The following IGSF21 variants were observed in gnomAD, a reference collection of about 807,000 sequenced individuals.
IGSF21 encodes the protein immunoglobulin superfamily member 21.
In IGSF21, 28 loss-of-function variants were observed where a neutral mutation model predicts 46.8. That is an observed-to-expected ratio of 0.60 (90% confidence interval 0.44 to 0.82). The LOEUF is 0.82. IGSF21 is among the 40% of genes least tolerant of loss of function. IGSF21 has a pLI of 0.00. For missense variants in IGSF21, 624 were observed against 665.5 expected (o/e 0.94, Z 0.69); for synonymous variants, 284 against 273.6 (o/e 1.04, Z -0.38).
In IGSF21 at chr1:18,144,747, C is replaced by T. The variant is rs183175910; in HGVS notation, c.70+36549C>T. Among the ~76,000 whole-genome samples, 351 of 152,132 alleles carry T rather than the reference C, an allele frequency of 2.3e-3. 1 individual carries two copies. Among genetic ancestry groups the T allele is most frequent in the Non-Finnish European group, 3.7e-3 (249 of 67,996 alleles). ...AACCTCCCCCTTGTGTCAGCAGGGC[C>T]ACTCGGACAGAGAGGGTTGAGAGCC... is the stretch of plus-strand genomic sequence containing the variant. On this transcript the variant is annotated intron_variant, in intron 1 of 9. Coordinates refer to ENST00000251296, the MANE Select transcript of IGSF21 (RefSeq NM_032880.5).
intron 1 of IGSF21, among the ~76,000 whole-genome samples, chr1:18,120,070 G>A (rs2086221563): frequency 6.6e-6 from 1 of 152,224 alleles, no homozygotes. Context: ...AGTTACTTCA[G>A]TCCTTATCAA....
chr1:18,374,842 G>A (rs1347637465), intron 6 of IGSF21, among the ~76,000 whole-genome samples: 9 of 152,108 alleles, frequency 5.9e-5, no homozygotes, highest in Admixed American at 5.9e-4. Context: ...CAGGGCCTCA[G>A]GACAAACCTT....
At chr1:18,330,780 T>C (rs899694974) in intron 3 of IGSF21, among the ~76,000 whole-genome samples, 1 of 152,246 alleles carries the variant, frequency 6.6e-6, no homozygotes, top group Non-Finnish European at 1.5e-5. Flanking sequence ...TGATAAACTT[T>C]ATTTTTTAGA....
At chr1:18,140,499 G>A (rs892946871) in intron 1 of IGSF21, among the ~76,000 whole-genome samples, 1 of 152,180 alleles carries the variant, frequency 6.6e-6, no homozygotes, top group Non-Finnish European at 1.5e-5. Context: ...GGATCACATG[G>A]GTGAGGATCT....
rs556676059 is a variant in IGSF21 at position 18,265,161 on chromosome 1, C to G, written c.184-26705C>G. Reference sequence around the variant, plus strand: ...AAATGACTTGGTGGCAAAACCCAGCCTGGGTCGATGGGAGGATATTTATGG... The same window carrying G: ...AAATGACTTGGTGGCAAAACCCAGCGTGGGTCGATGGGAGGATATTTATGG... On this transcript the variant is annotated intron_variant, in intron 2 of 9. Transcript: ENST00000251296. Among the ~76,000 whole-genome samples the G allele has an allele frequency of 2.6e-5, 4 of 152,280 alleles. No homozygotes were observed. In the South Asian group the frequency reaches 8.3e-4, roughly 32 times the overall value.
chr1:18,303,974 G>T (rs576824341), intron 3 of IGSF21, among the ~76,000 whole-genome samples: 20 of 152,186 alleles, frequency 1.3e-4, no homozygotes, highest in Non-Finnish European at 4.4e-5. Flanking sequence ...AATTGACCTC[G>T]GTTTGAGTTT....
chr1:18,247,023 T>C (rs946338236), intron 2 of IGSF21, among the ~76,000 whole-genome samples: 3 of 150,896 alleles, frequency 2.0e-5, no homozygotes, highest in African/African-American at 7.3e-5. Context: ...TGATGTGAAT[T>C]CCCAAAAGTT....
At chr1:18,292,040 G>A (rs1032420216) in intron 3 of IGSF21, 53 bp downstream of exon 3, 3 of 1,570,912 alleles carry the variant, frequency 1.9e-6, no homozygotes, top group Non-Finnish European at 2.6e-6. Context: ...GAGGGATGGG[G>A]AGTGGGGCAG....
chr1:18,356,256 T>C (rs1167725014), intron 4 of IGSF21, among the ~76,000 whole-genome samples: 1 of 152,180 alleles, frequency 6.6e-6, no homozygotes, highest in Non-Finnish European at 1.5e-5. Flanking sequence ...CTGATGAGTG[T>C]GATGAGTGTG....
chr1:18,197,036 G>C (rs1475818591), intron 1 of IGSF21, among the ~76,000 whole-genome samples: 1 of 152,226 alleles, frequency 6.6e-6, no homozygotes, highest in African/African-American at 2.4e-5. Context: ...GGCTTCGCTA[G>C]AGAGCGAAAG....
intron 3 of IGSF21, among the ~76,000 whole-genome samples, chr1:18,323,024 A>C (rs2085619824): frequency 6.6e-6 from 1 of 152,196 alleles, no homozygotes; most frequent in South Asian, 2.1e-4. Flanking sequence ...GGTCGGGACC[A>C]GCGACCCCAT....
intron 1 of IGSF21, among the ~76,000 whole-genome samples, chr1:18,154,960 A>AG (rs1387863815): frequency 1.3e-5 from 2 of 151,886 alleles, no homozygotes; most frequent in African/African-American, 4.8e-5. Flanking sequence ...GAAGTGCAGG[A>AG]GGGGAGCAGG....
At chr1:18,269,207 G>A (rs2085019576) in intron 2 of IGSF21, among the ~76,000 whole-genome samples, 1 of 152,214 alleles carries the variant, frequency 6.6e-6, no homozygotes, top group African/African-American at 2.4e-5. Context: ...GCATCTGCAG[G>A]TGAGGGTGGC....
At position 18,337,645 on chromosome 1, in the gene IGSF21, C is replaced by G. The variant is rs1357439340; in HGVS notation, c.424+2635C>G. Among the ~76,000 whole-genome samples the G allele has an allele frequency of 1.3e-5, 2 of 151,760 alleles. No homozygotes were observed. Among genetic ancestry groups the G allele is most frequent in the Non-Finnish European group, 2.9e-5 (2 of 67,960 alleles). ...GCAGAGACAGGGGTCTCTCCTTACTCACCTTCTCTGGGCTTCTTCCCCAAA... is the reference window on the plus strand; with the variant it reads ...GCAGAGACAGGGGTCTCTCCTTACTGACCTTCTCTGGGCTTCTTCCCCAAA... On this transcript the variant is annotated intron_variant, in intron 4 of 9. Coordinates refer to ENST00000251296, the MANE Select transcript of IGSF21 (RefSeq NM_032880.5). This position sits in a 1 kb window ranked among gnomAD's most constrained non-coding sequence, Gnocchi z 5.7.
intron 1 of IGSF21, among the ~76,000 whole-genome samples, chr1:18,141,861 G>A (rs2086418306): frequency 6.6e-6 from 1 of 152,122 alleles, no homozygotes; most frequent in South Asian, 2.1e-4. Context: ...TTGAGGCCAA[G>A]ACTTTGAGAC....
chr1:18,269,916 C>T (rs2085026558), intron 2 of IGSF21, among the ~76,000 whole-genome samples: 1 of 152,182 alleles, frequency 6.6e-6, no homozygotes, highest in Non-Finnish European at 1.5e-5. Flanking sequence ...CAAACAAAAA[C>T]CCAGAGACTT....
intron 2 of IGSF21, among the ~76,000 whole-genome samples, chr1:18,244,997 A>G (rs1455656326): frequency 6.6e-6 from 1 of 152,212 alleles, no homozygotes; most frequent in Non-Finnish European, 1.5e-5. Context: ...TAATGAACTT[A>G]GGACAGTGCC....
chr1:18,269,828 C>A (rs1023727479), intron 2 of IGSF21, among the ~76,000 whole-genome samples: 1 of 152,182 alleles, frequency 6.6e-6, no homozygotes, highest in African/African-American at 2.4e-5. Flanking sequence ...AAGGCAAGGG[C>A]AGCCACTGAG....
At chr1:18,196,026 G>T (rs1331612547) in intron 1 of IGSF21, among the ~76,000 whole-genome samples, 1 of 152,220 alleles carries the variant, frequency 6.6e-6, no homozygotes, top group Non-Finnish European at 1.5e-5. Flanking sequence ...GTGATGCTGG[G>T]GGGTTGTGTG....
Sources: gnomAD v4.1 joint callset for allele counts (sites outside exome capture counted in the v4.1 genomes callset) on GRCh38, gnomAD v4.1.1 for gene constraint, Gnocchi (gnomAD v3.1) non-coding constraint, MANE v1.5 for transcripts, NCBI Gene and HGNC (gene_info 2026-07-23, HGNC 2026-07-21) for gene names.